Variants in KAT6A observed in about 807,000 individuals in gnomAD.
The protein encoded by KAT6A is histone acetyltransferase KAT6A.
KAT6A carries 9 observed loss-of-function variants against 198.4 expected under a neutral mutation model. The ratio of observed to expected loss-of-function variants is 0.05; its 90% CI spans 0.03 to 0.08. The LOEUF (loss-of-function observed/expected upper bound fraction) is 0.08, where lower values mean the gene tolerates loss of function less well. KAT6A is among the 10% of genes least tolerant of loss of function. The pLI is 1.00. For synonymous variants in KAT6A, 890 were observed against 883.0 expected (o/e 1.01, Z -0.14); for missense variants, 2,077 against 2,509.9 (o/e 0.83, Z 3.69).
intron 16 of KAT6A, among the ~76,000 whole-genome samples, chr8:41,935,500 A>G (rs1821802573): frequency 6.6e-6 from 1 of 152,246 alleles, no homozygotes. Flanking sequence ...TAGACAAACA[A>G]GAAAAAATTA....
At chr8:41,959,158 C>CA (rs1823070936) in intron 8 of KAT6A, among the ~76,000 whole-genome samples, 2 of 58,044 alleles carry the variant, frequency 3.4e-5, no homozygotes, top group African/African-American at 1.1e-4. Flanking sequence ...CAGACTGTCT[C>CA]GAAAAAAAAA....
chr8:41,947,267 C>T (rs1421672702), intron 11 of KAT6A, among the ~76,000 whole-genome samples: 2 of 152,200 alleles, frequency 1.3e-5, no homozygotes, highest in Non-Finnish European at 2.9e-5. Context: ...TTGGATTTTA[C>T]CACAGGCTTG....
Position 41,980,947 on chromosome 8 carries a change from A to G in KAT6A, c.826-20T>C, listed in dbSNP as rs1824321926. On this transcript the variant is annotated intron_variant, in intron 4 of 16. Transcript: ENST00000265713. ...GTTATCCTATTAGAAAAAAGAAAGG[A>G]CAGTTTTGCTTAACCTTATGAAGCA... The G allele has an allele frequency of 1.3e-6, 2 of 1,562,918 alleles. No individual in the cohort carries two copies. Among genetic ancestry groups the G allele is most frequent in the Admixed American group, 1.7e-5 (1 of 59,924 alleles).
chr8:42,021,749 G>T (rs1238702337), intron 2 of KAT6A, among the ~76,000 whole-genome samples: 1 of 152,106 alleles, frequency 6.6e-6, no homozygotes, highest in Admixed American at 6.5e-5. Flanking sequence ...TGGCCAACGT[G>T]GAGAAACCCC....
intron 7 of KAT6A, among the ~76,000 whole-genome samples, chr8:41,976,475 G>T: frequency 6.6e-6 from 1 of 152,156 alleles, no homozygotes; most frequent in East Asian, 1.9e-4. Context: ...AAGCAGCCTG[G>T]AGCTGTGGTT....
intron 3 of KAT6A, among the ~76,000 whole-genome samples, chr8:41,984,671 A>G (rs1434173840): frequency 6.6e-6 from 1 of 152,162 alleles, no homozygotes; most frequent in Non-Finnish European, 1.5e-5. Flanking sequence ...TTGTTCTACA[A>G]TTTCTTTAAA....
chr8:41,998,916 A>G (rs1183862766), intron 2 of KAT6A, among the ~76,000 whole-genome samples: 1 of 152,162 alleles, frequency 6.6e-6, no homozygotes, highest in African/African-American at 2.4e-5. Context: ...ATAACTTTCT[A>G]TAATTTTAAT....
intron 3 of KAT6A, among the ~76,000 whole-genome samples, chr8:41,986,583 A>G (rs189200946): frequency 5.6e-4 from 85 of 152,256 alleles, no homozygotes; most frequent in African/African-American, 2.0e-3. Flanking sequence ...AGTGTTTTAT[A>G]TATATAAAAA....
Position 41,977,235 on chromosome 8 carries a change from G to T in KAT6A, c.1136C>A (p.Ser379Ter). The change falls in exon 7 of 17, where the codon TCA becomes TAA. Residue 379 changes from serine to a stop codon, truncating the protein, a stop_gained. Transcript: ENST00000265713. LOFTEE classifies it high-confidence loss of function. ...TLSSQSASSSSEEGYLERIDG... is the reference protein window; with the variant it reads ...TLSSQSASSS ...TATCCGCTCTAAATATCCTTCTTCTGATGATGATGATGCTGATTGGCTGGA... is the reference window on the plus strand; with the variant it reads ...TATCCGCTCTAAATATCCTTCTTCTTATGATGATGATGCTGATTGGCTGGA... 4 of 1,613,434 alleles carry T rather than the reference G, an allele frequency of 2.5e-6. No individual in the cohort carries two copies. The highest frequency in any genetic ancestry group is 2.2e-5 in the East Asian group (1 of 44,876).
At chr8:41,937,209 A>G (rs372769818) in intron 16 of KAT6A, 47 bp downstream of exon 16, 5 of 1,451,562 alleles carry the variant, frequency 3.4e-6, no homozygotes, top group Non-Finnish European at 4.8e-6. Context: ...CTACTGCTAT[A>G]TATCTGAAGA....
At chr8:41,969,244 A>C (rs1312004782) in intron 8 of KAT6A, among the ~76,000 whole-genome samples, 1 of 152,230 alleles carries the variant, frequency 6.6e-6, no homozygotes, top group Non-Finnish European at 1.5e-5. Flanking sequence ...TTTGAAACAC[A>C]GGTTCAAGCA....
intron 2 of KAT6A, among the ~76,000 whole-genome samples, chr8:42,044,098 C>CTTT (rs36067311): frequency 2.5e-4 from 32 of 127,874 alleles, no homozygotes; most frequent in Non-Finnish European, 4.1e-4. Flanking sequence ...TGGGTAAAAA[C>CTTT]TTTTTTTTTT....
chr8:41,995,674 C>CTTT (rs10710765), intron 2 of KAT6A, among the ~76,000 whole-genome samples: 5 of 103,074 alleles, frequency 4.9e-5, no homozygotes, highest in South Asian at 3.2e-4. Context: ...ATTTTCATTT[C>CTTT]TTTTTTTTTT....
At chr8:41,987,970 CCT>C (rs1824709174) in intron 2 of KAT6A, among the ~76,000 whole-genome samples, 1 of 152,174 alleles carries the variant, frequency 6.6e-6, no homozygotes, top group African/African-American at 2.4e-5. Flanking sequence ...CACAGTGACT[CCT>C]CGGCAGAAGA....
chr8:42,025,568 G>A (rs970734032), intron 2 of KAT6A, among the ~76,000 whole-genome samples: 17 of 152,094 alleles, frequency 1.1e-4, no homozygotes, highest in Admixed American at 2.6e-4. Context: ...TTTGAGAAAT[G>A]TCTATTCAGA....
intron 2 of KAT6A, among the ~76,000 whole-genome samples, chr8:42,022,930 T>G (rs1355421774): frequency 6.6e-6 from 1 of 152,224 alleles, no homozygotes; most frequent in Non-Finnish European, 1.5e-5. Context: ...TGGGGATTCA[T>G]GCTGAGAAAT....
At chr8:42,025,395 T>A (rs1341915501) in intron 2 of KAT6A, among the ~76,000 whole-genome samples, 1 of 150,434 alleles carries the variant, frequency 6.6e-6, no homozygotes, top group Non-Finnish European at 1.5e-5. Flanking sequence ...GTATTTTTAG[T>A]AGAGACGGGG....
chr8:41,971,641 T>C (rs918681758), intron 8 of KAT6A, among the ~76,000 whole-genome samples: 2 of 150,996 alleles, frequency 1.3e-5, no homozygotes, highest in Non-Finnish European at 2.9e-5. Flanking sequence ...TAAAGAAGAC[T>C]GTAAGACATG....
chr8:42,000,128 A>AT (rs1310994723), intron 2 of KAT6A, among the ~76,000 whole-genome samples: 1 of 152,244 alleles, frequency 6.6e-6, no homozygotes, highest in Non-Finnish European at 1.5e-5. Flanking sequence ...ATGCAACTGC[A>AT]TTAAGAGTTT....
Sources: allele counts gnomAD v4.1 joint callset (sites outside exome capture counted in the v4.1 genomes callset), GRCh38; gene constraint gnomAD v4.1.1; transcripts MANE v1.5; gene names NCBI Gene and HGNC (gene_info 2026-07-23, HGNC 2026-07-21).